Variants in CELSR1 observed in about 807,000 individuals in gnomAD.
CELSR1 encodes the protein adhesion G protein-coupled receptor C1.
CELSR1 carries 110 observed loss-of-function variants against 249.1 expected under a neutral mutation model. That is an observed-to-expected ratio of 0.44 (90% confidence interval 0.38 to 0.52). The LOEUF is 0.52. Among genes scored for constraint, CELSR1 ranks in the 20% least tolerant of loss-of-function variants. The probability of loss-of-function intolerance (pLI) is 0.00; values close to 1 mark genes in which losing one functional copy is unlikely to be tolerated. For synonymous variants in CELSR1, 2,113 were observed against 1,900.0 expected (o/e 1.11, Z -2.92); for missense variants, 4,109 against 4,296.4 (o/e 0.96, Z 1.22).
At chr22:46,400,278 G>T (rs896613085) in intron 9 of CELSR1, among the ~76,000 whole-genome samples, 4 of 151,678 alleles carry the variant, frequency 2.6e-5, no homozygotes, top group African/African-American at 9.7e-5. Flanking sequence ...GCAGTGAGCT[G>T]AGATCGCAGC....
chr22:46,504,530 A>C (rs1024513027), intron 1 of CELSR1, among the ~76,000 whole-genome samples: 7 of 148,496 alleles, frequency 4.7e-5, no homozygotes, highest in Admixed American at 6.7e-5. Flanking sequence ...ACAAAAAAAA[A>C]CAGGAATGGC....
intron 18 of CELSR1, 70 bp from the exon 19 acceptor site, chr22:46,386,655 C>T: frequency 1.5e-6 from 2 of 1,345,448 alleles, no homozygotes; most frequent in East Asian, 5.4e-5. Flanking sequence ...GGACACCTGC[C>T]CTGAAAGCCT....
intron 1 of CELSR1, among the ~76,000 whole-genome samples, chr22:46,482,722 A>G (rs971103769): frequency 3.3e-5 from 5 of 152,200 alleles, no homozygotes; most frequent in Non-Finnish European, 5.9e-5. Context: ...TCAAAAAAAA[A>G]AGAAAATTAT....
At chr22:46,385,906 T>C (rs1006920262) in intron 19 of CELSR1, among the ~76,000 whole-genome samples, 2 of 151,602 alleles carry the variant, frequency 1.3e-5, no homozygotes, top group Non-Finnish European at 2.9e-5. Context: ...CTTGATCTCC[T>C]GACCCTGTGA....
At chr22:46,379,295 T>C (rs2078952095) in intron 22 of CELSR1, among the ~76,000 whole-genome samples, 1 of 152,154 alleles carries the variant, frequency 6.6e-6, no homozygotes, top group South Asian at 2.1e-4. Context: ...TAACAAGGTG[T>C]TATAAGGTGT....
chr22:46,387,448 T>A (rs1166170646), intron 18 of CELSR1, among the ~76,000 whole-genome samples: 3 of 152,050 alleles, frequency 2.0e-5, no homozygotes, highest in Non-Finnish European at 4.4e-5. Flanking sequence ...TGGCACAGTC[T>A]TGGCTCACTG....
chr22:46,478,683 C>G (rs1422368441), intron 1 of CELSR1, among the ~76,000 whole-genome samples: 1 of 151,202 alleles, frequency 6.6e-6, no homozygotes, highest in Non-Finnish European at 1.5e-5. Flanking sequence ...GCTGGGATTA[C>G]AGGTGCGTGC....
Position 46,411,756 on chromosome 22 carries a change from T to G in CELSR1, c.4615A>C (p.Asn1539His), listed in dbSNP as rs2079338924. 1.2e-6 allele frequency: 2 copies of G among 1,613,914 alleles called. No homozygotes were observed. Among genetic ancestry groups the G allele is most frequent in the Admixed American group, 1.7e-5 (1 of 60,016 alleles). Reference sequence around the variant, plus strand: ...TGGGGCAGGCCCAGGTGGCCAATATTGGGCTGTAAGAAGAGAAAGCACAGA... The same window carrying G: ...TGGGGCAGGCCCAGGTGGCCAATATGGGGCTGTAAGAAGAGAAAGCACAGA... ...SVQVQYYNKPNIGHLGLPHGP... is the reference protein window; with the variant it reads ...SVQVQYYNKPHIGHLGLPHGP... The change falls in exon 6 of 35, where the codon AAT (asparagine) becomes CAT (histidine). Residue 1539 changes from asparagine to histidine, a missense_variant. Asn to His is a moderately conservative substitution (Grantham distance 68, BLOSUM62 1). Coordinates refer to ENST00000674500, the MANE Select transcript of CELSR1 (RefSeq NM_001378328.1). This position sits in a 1 kb window ranked among gnomAD's most constrained non-coding sequence, Gnocchi z 4.2.
intron 1 of CELSR1, among the ~76,000 whole-genome samples, chr22:46,504,932 A>G (rs2080500432): frequency 6.6e-6 from 1 of 152,246 alleles, no homozygotes. Context: ...AATATATTGC[A>G]ATACATCAAC....
At position 46,397,697 on chromosome 22, in the gene CELSR1, T is replaced by C. The variant is rs983463906; in HGVS notation, c.5678A>G (p.Asp1893Gly). 3 of 1,553,944 alleles carry C rather than the reference T, an allele frequency of 1.9e-6. No homozygotes were observed. The highest frequency in any genetic ancestry group is 3.7e-5 in the Admixed American group (2 of 53,346). The change falls in exon 12 of 35, where the codon GAC becomes GGC. Residue 1893 changes from aspartate (D) to glycine (G), a missense_variant. Coordinates refer to ENST00000674500, the MANE Select transcript of CELSR1 (RefSeq NM_001378328.1). Reference protein sequence around the residue: ...PNSRCHDAWEDYSCVCDKGYL... With the variant: ...PNSRCHDAWEGYSCVCDKGYL... Reference sequence around the variant, plus strand: ...ACCTTTGTCACAGACGCAGCTGTAGTCCTCCCAGGCGTCGTGGCAGCGGCT... The same window carrying C: ...ACCTTTGTCACAGACGCAGCTGTAGCCCTCCCAGGCGTCGTGGCAGCGGCT...
At position 46,436,458 on chromosome 22, in the gene CELSR1, G is replaced by C. The variant is rs1049780441; in HGVS notation, c.4407-169C>G. Among the ~76,000 whole-genome samples, 1 of 152,190 alleles carries C rather than the reference G, an allele frequency of 6.6e-6. No individual in the cohort carries two copies. Among genetic ancestry groups the C allele is most frequent in the Non-Finnish European group, 1.5e-5 (1 of 68,044 alleles). Reference sequence around the variant, plus strand: ...TAGGAGCAGACAGCCCATCAAGCTTGATAAGCAGGGTTCTTTTCTGGAAGC... The same window carrying C: ...TAGGAGCAGACAGCCCATCAAGCTTCATAAGCAGGGTTCTTTTCTGGAAGC... On this transcript the variant is annotated intron_variant, in intron 3 of 34. Transcript: ENST00000674500. The surrounding 1 kb of genome is among the most constrained non-coding windows in gnomAD (Gnocchi z 5.9).
chr22:46,530,854 T>G (rs956775388), intron 1 of CELSR1, among the ~76,000 whole-genome samples: 1 of 152,194 alleles, frequency 6.6e-6, no homozygotes, highest in Admixed American at 6.5e-5. Context: ...CAGCCCTTCC[T>G]GGAATGGCTC....
intron 23 of CELSR1, 51 bp downstream of exon 23, chr22:46,378,540 C>A: frequency 1.3e-6 from 2 of 1,522,412 alleles, no homozygotes; most frequent in Non-Finnish European, 8.9e-7. Context: ...GGGGGAGGGG[C>A]AGGTTTGGCG....
In CELSR1 at chr22:46,418,171, T is replaced by C. The variant is rs373735116; in HGVS notation, c.4612-6412A>G. On this transcript the variant is annotated intron_variant, in intron 5 of 34. Transcript: ENST00000674500. ...TCTCAAGTTTTGCTGTTTTAATACT[T>C]CCCTATATTAAAATAACATAATACA... Among the ~76,000 whole-genome samples, 119 of 152,358 alleles carry C rather than the reference T, an allele frequency of 7.8e-4. 2 individuals are homozygous for C. In the South Asian group the frequency reaches 0.021, roughly 27 times the overall value.
At position 46,423,360 on chromosome 22, in the gene CELSR1, G is replaced by A. The variant is rs186469111; in HGVS notation, c.4611+10033C>T. Among the ~76,000 whole-genome samples, 46 of 152,066 alleles carry A rather than the reference G, an allele frequency of 3.0e-4. No homozygotes were observed. Among genetic ancestry groups the A allele is most frequent in the Admixed American group, 1.6e-3 (25 of 15,282 alleles). Reference sequence around the variant, plus strand: ...GCGGTGGCTCACGCCTGTAATCCCAGCACTTTGGGAGGCCGAGGGGGGCAG... The same window carrying A: ...GCGGTGGCTCACGCCTGTAATCCCAACACTTTGGGAGGCCGAGGGGGGCAG... On this transcript the variant is annotated intron_variant, in intron 5 of 34. Coordinates refer to ENST00000674500, the MANE Select transcript of CELSR1 (RefSeq NM_001378328.1). The surrounding 1 kb of genome is among the most constrained non-coding windows in gnomAD (Gnocchi z 5.6).
rs2080526419 is a variant in CELSR1, at chr22:46,507,475, C to G, written c.3544+26152G>C. Among the ~76,000 whole-genome samples the G allele has an allele frequency of 2.0e-5, 3 of 152,224 alleles. No homozygotes were observed. The South Asian group carries it at 6.2e-4, about 32-fold the overall frequency. ...ACTCCAGCTGCCCCAGCGGCTCCCT[C>G]CCTCCCCGGCCTCTGTGTGGCCCTG... On this transcript the variant is annotated intron_variant, in intron 1 of 34. Transcript: ENST00000674500.
rs774205931 is a variant in CELSR1, at chr22:46,386,411, C to T, written c.6730G>A (p.Ala2244Thr). The T allele has an allele frequency of 8.9e-6, 14 of 1,574,564 alleles. No homozygotes were observed. Among genetic ancestry groups the T allele is most frequent in the South Asian group, 2.3e-5 (2 of 85,450 alleles). Residue 2244 changes from alanine to threonine, a missense_variant, in exon 19 of 35, where the codon GCC becomes ACC. Coordinates refer to ENST00000674500, the MANE Select transcript of CELSR1 (RefSeq NM_001378328.1). ...GCAGCCAGCGCCTTACTCATGTTGG[C>T]GGTGACGATGACGAAGGGCCGCAGG... The part of the protein sequence containing the change: ...TYLRPFVIVT[A>T]NMILAVDIFD...
At position 46,434,683 on chromosome 22, in the gene CELSR1, G is replaced by T. The variant is rs1239554339; in HGVS notation, c.4523-1202C>A. Among the ~76,000 whole-genome samples the T allele has an allele frequency of 6.6e-6, 1 of 152,152 alleles. No homozygotes were observed. Among genetic ancestry groups the T allele is most frequent in the Admixed American group, 6.5e-5 (1 of 15,272 alleles). On this transcript the variant is annotated intron_variant, in intron 4 of 34. Coordinates refer to ENST00000674500, the MANE Select transcript of CELSR1 (RefSeq NM_001378328.1). This position sits in a 1 kb window ranked among gnomAD's most constrained non-coding sequence, Gnocchi z 4.9. ...GAACTTCCAGGTGAAGGAGGAGATG[G>T]CAGAATTCACTCCTGAAAGTCAAGT...
intron 1 of CELSR1, among the ~76,000 whole-genome samples, chr22:46,493,203 T>A (rs1013819701): frequency 6.6e-6 from 1 of 152,056 alleles, no homozygotes; most frequent in African/African-American, 2.4e-5. Context: ...TGAGCCATGA[T>A]GGCACCACTG....
Sources: allele counts gnomAD v4.1 joint callset (sites outside exome capture counted in the v4.1 genomes callset), GRCh38; gene constraint gnomAD v4.1.1; non-coding constraint Gnocchi (gnomAD v3.1); transcripts MANE v1.5; gene names NCBI Gene and HGNC (gene_info 2026-07-23, HGNC 2026-07-21).